Variants in TRHDE observed in about 807,000 individuals in gnomAD.
The protein encoded by TRHDE is thyrotropin releasing hormone degrading enzyme.
A neutral mutation model predicts 125.7 loss-of-function variants in TRHDE; 72 were observed. The ratio of observed to expected loss-of-function variants is 0.57; its 90% CI spans 0.47 to 0.70. TRHDE has a LOEUF of 0.70. Among genes scored for constraint, TRHDE ranks in the 30% least tolerant of loss-of-function variants. TRHDE has a pLI of 0.00. For missense variants in TRHDE, 1,110 were observed against 1,327.1 expected, an observed-to-expected ratio of 0.84 and a Z score of 2.54; for synonymous variants, 509 against 509.1, an observed-to-expected ratio of 1.00 and a Z score of 0.00.
chr12:72,573,994 T>C (rs12297782), intron 10 of TRHDE, among the ~76,000 whole-genome samples: 40,424 of 151,846 alleles, frequency 0.27, 8,119 homozygotes, highest in African/African-American at 0.54. Flanking sequence ...AGAAGTACAT[T>C]CTATTTTACT....
At chr12:72,146,123 G>A (rs906361887) in intron 2 of TRHDE, among the ~76,000 whole-genome samples, 1 of 152,208 alleles carries the variant, frequency 6.6e-6, no homozygotes, top group Non-Finnish European at 1.5e-5. Flanking sequence ...ATTTAGGAGT[G>A]ATCTCCTTGA....
chr12:72,623,693 G>A (rs1565813937), intron 15 of TRHDE, among the ~76,000 whole-genome samples: 2 of 152,040 alleles, frequency 1.3e-5, no homozygotes, highest in Non-Finnish European at 2.9e-5. Flanking sequence ...TCTGATTCAT[G>A]AAGGATAAGT....
chr12:72,602,886 A>G (rs937076159), intron 12 of TRHDE, among the ~76,000 whole-genome samples: 1 of 152,188 alleles, frequency 6.6e-6, no homozygotes. Context: ...AGCAGCAACT[A>G]CTTCTACTGG....
chr12:72,165,694 G>A (rs1876730748), intron 2 of TRHDE, among the ~76,000 whole-genome samples: 1 of 147,504 alleles, frequency 6.8e-6, no homozygotes, highest in Admixed American at 6.7e-5. Context: ...TTTTTTTTGA[G>A]ATGGAGTCCT....
At chr12:72,387,957 G>C (rs1872494301) in intron 3 of TRHDE, among the ~76,000 whole-genome samples, 1 of 152,070 alleles carries the variant, frequency 6.6e-6, no homozygotes, top group South Asian at 2.1e-4. Flanking sequence ...TCAGCAGTGT[G>C]AAAACAGACT....
intron 12 of TRHDE, chr12:72,582,328 C>T: frequency 1.0e-6 from 1 of 984,982 alleles, no homozygotes; most frequent in Non-Finnish European, 1.2e-6. Flanking sequence ...ATTTCAAAAA[C>T]TTACAGATTT....
At chr12:72,178,670 A>G (rs750491788) in intron 2 of TRHDE, among the ~76,000 whole-genome samples, 10 of 152,076 alleles carry the variant, frequency 6.6e-5, no homozygotes, top group Non-Finnish European at 1.5e-4. Context: ...AATCTTACAT[A>G]CCTGCAGAAT....
At chr12:72,542,174 C>A in intron 6 of TRHDE, 117 bp from the exon 7 acceptor site, 1 of 642,410 alleles carries the variant, frequency 1.6e-6, no homozygotes, top group Non-Finnish European at 2.4e-6. Context: ...ACTGCTGTTT[C>A]TTAATTATTT....
chr12:72,575,300 G>A lies in TRHDE; in HGVS notation c.2177G>A (p.Gly726Glu), dbSNP rs1870939072. The A allele has an allele frequency of 1.2e-6, 2 of 1,613,326 alleles. No homozygotes were observed. Among genetic ancestry groups the A allele is most frequent in the Admixed American group, 3.3e-5 (2 of 59,894 alleles). The part of the protein sequence containing the change: ...TYLDKGSWLL[G>E]NINQTGYFRV... ...TTGGACAAAGGAAGCTGGCTGCTGG[G>A]GAACATCAATCAAACTGGCTATTTT... is the stretch of plus-strand genomic sequence containing the variant. Residue 726 changes from glycine (G) to glutamate (E), a missense_variant, in exon 11 of 19, where the codon GGG becomes GAG. Transcript: ENST00000261180.
intron 15 of TRHDE, among the ~76,000 whole-genome samples, chr12:72,644,166 G>A (rs1874182759): frequency 6.6e-6 from 1 of 152,168 alleles, no homozygotes; most frequent in African/African-American, 2.4e-5. Context: ...ATTAGTGAGT[G>A]TAAAACCACT....
chr12:72,662,034 T>C (rs1874939001), intron 18 of TRHDE, among the ~76,000 whole-genome samples: 1 of 152,174 alleles, frequency 6.6e-6, no homozygotes, highest in South Asian at 2.1e-4. Context: ...AATTTCTAAA[T>C]CAATTCAGAA....
At chr12:72,114,384 A>G (rs1310672026) in intron 2 of TRHDE, among the ~76,000 whole-genome samples, 1 of 152,180 alleles carries the variant, frequency 6.6e-6, no homozygotes, top group Non-Finnish European at 1.5e-5. Context: ...CTTACCAATA[A>G]CAATCAGTTG....
intron 5 of TRHDE, among the ~76,000 whole-genome samples, chr12:72,497,035 G>A (rs982407405): frequency 6.6e-5 from 10 of 151,888 alleles, no homozygotes; most frequent in African/African-American, 2.2e-4. Context: ...CTCCTGCCAG[G>A]CTTTTTTCTT....
intron 3 of TRHDE, among the ~76,000 whole-genome samples, chr12:72,397,209 C>T (rs1453163831): frequency 6.6e-6 from 1 of 152,150 alleles, no homozygotes; most frequent in African/African-American, 2.4e-5. Flanking sequence ...TTCCTGTATA[C>T]CTTTTATGTA....
chr12:72,354,888 G>A (rs1443917343), intron 2 of TRHDE, among the ~76,000 whole-genome samples: 2 of 151,398 alleles, frequency 1.3e-5, no homozygotes, highest in Non-Finnish European at 3.0e-5. Context: ...TCTATTTGGG[G>A]AGATTGAGTG....
intron 2 of TRHDE, among the ~76,000 whole-genome samples, chr12:72,248,375 G>A (rs1170469380): frequency 7.1e-5 from 9 of 126,354 alleles, no homozygotes; most frequent in East Asian, 2.3e-4. Context: ...CCGAGATCGC[G>A]CCACTGCACT....
chr12:72,183,937 C>T (rs762185628), intron 2 of TRHDE, among the ~76,000 whole-genome samples: 1 of 152,108 alleles, frequency 6.6e-6, no homozygotes, highest in Non-Finnish European at 1.5e-5. Context: ...TTAAAATCTA[C>T]TCACTCAAAA....
chr12:72,661,847 T>G (rs1257438947), intron 18 of TRHDE, among the ~76,000 whole-genome samples: 2 of 152,194 alleles, frequency 1.3e-5, no homozygotes, highest in Non-Finnish European at 2.9e-5. Context: ...ATGTTTGTTA[T>G]GAAAGCACAG....
At chr12:72,539,124 A>G (rs1465010845) in intron 6 of TRHDE, among the ~76,000 whole-genome samples, 4 of 151,914 alleles carry the variant, frequency 2.6e-5, no homozygotes, top group Non-Finnish European at 4.4e-5. Context: ...TTCAACACAA[A>G]TAACACTTCT....
Sources: gnomAD v4.1 joint callset for allele counts (sites outside exome capture counted in the v4.1 genomes callset) on GRCh38, gnomAD v4.1.1 for gene constraint, MANE v1.5 for transcripts, NCBI Gene and HGNC (gene_info 2026-07-23, HGNC 2026-07-21) for gene names.